HNF4A: variants seen among roughly 807,000 people sequenced by gnomAD.
HNF4A encodes hepatocyte nuclear factor 4 alpha, also known as hepatocyte nuclear factor 4-alpha.
A neutral mutation model predicts 52.4 loss-of-function variants in HNF4A; 15 were observed. That is an observed-to-expected ratio of 0.29 (90% CI 0.19 to 0.44). The LOEUF (loss-of-function observed/expected upper bound fraction) is 0.44, where lower values mean the gene tolerates loss of function less well. Among genes scored for constraint, HNF4A ranks in the 20% least tolerant of loss-of-function variants. The probability of loss-of-function intolerance (pLI) is 1.00; values close to 1 mark genes in which losing one functional copy is unlikely to be tolerated. For synonymous variants in HNF4A, 280 were observed against 264.4 expected (o/e 1.06, Z -0.57); for missense variants, 479 against 647.2 (o/e 0.74, Z 2.82).
intron 1 of HNF4A, among the ~76,000 whole-genome samples, chr20:44,405,023 CTG>C (rs1435858098): frequency 3.7e-5 from 5 of 135,358 alleles, no homozygotes; most frequent in Non-Finnish European, 3.1e-5. Context: ...TGTGTGTGGA[CTG>C]TGTGGTGCGT....
rs753072592 is a variant in HNF4A, at chr20:44,414,543, C to T, written c.529C>T (p.Arg177Trp). 5.6e-6 allele frequency: 9 copies of T among 1,614,230 alleles called. No individual in the cohort carries two copies. The highest frequency in any genetic ancestry group is 2.2e-5 in the South Asian group (2 of 91,080). ...CGTCTCCGGGATCAACGGCGACATT[C>T]GGGCGAAGAAGATTGCCAGCATCGC... is the stretch of plus-strand genomic sequence containing the variant. The change falls in exon 5 of 10, where the codon CGG (arginine) becomes TGG (tryptophan). Residue 177 changes from arginine to tryptophan, a missense_variant. Physicochemically the swap from Arg to Trp is moderately radical, Grantham distance 101. Around this residue, in one of 3 missense-constraint regions of HNF4A, gnomAD observed 389 missense variants for 525.1 expected, o/e 0.74. Transcript: ENST00000316099.
chr20:44,423,599 G>C (rs2063776854), intron 7 of HNF4A, among the ~76,000 whole-genome samples: 1 of 152,242 alleles, frequency 6.6e-6, no homozygotes, highest in African/African-American at 2.4e-5. Flanking sequence ...CTGAGGTCTG[G>C]ATGAGGGGAC....
In HNF4A at chr20:44,401,388, A is replaced by G; in HGVS notation, c.16A>G (p.Thr6Ala). Residue 6 changes from threonine (T) to alanine (A), a missense_variant, in exon 1 of 10, where the codon ACC (threonine) becomes GCC (alanine). By Grantham distance (58) the Thr-to-Ala change is moderately conservative. Around this residue, in one of 3 missense-constraint regions of HNF4A, gnomAD observed 90 missense variants for 105.5 expected, o/e 0.85. Transcript: ENST00000316099. ...GGCAGGGAGAATGCGACTCTCCAAA[A>G]CCCTCGTCGACATGGACATGGCCGA... The G allele has an allele frequency of 2.5e-6, 4 of 1,613,884 alleles. No homozygotes were observed. Among genetic ancestry groups the G allele is most frequent in the Non-Finnish European group, 3.4e-6 (4 of 1,179,984 alleles).
At chr20:44,391,892 C>T (rs901250850) in intron 1 of HNF4A, 1 of 152,316 alleles carries the variant, frequency 6.6e-6, no homozygotes, top group African/African-American at 2.4e-5. Context: ...CAAGACTTCT[C>T]AATTTACACC....
chr20:44,416,206 T>C (rs2146426105), intron 5 of HNF4A, among the ~76,000 whole-genome samples: 1 of 152,268 alleles, frequency 6.6e-6, no homozygotes, highest in East Asian at 1.9e-4. Context: ...CAGCTCCCCA[T>C]TCCTGGTATA....
At chr20:44,397,937 A>G (rs1217559692), upstream of HNF4A, among the ~76,000 whole-genome samples, 1 of 152,112 alleles carries the variant, frequency 6.6e-6, no homozygotes, top group Non-Finnish European at 1.5e-5. Context: ...TGAAACTTTC[A>G]AGGTCTCAAG....
In HNF4A at chr20:44,413,551, A is replaced by G. The variant is rs557484608; in HGVS notation, c.386-143A>G. On this transcript the variant is annotated intron_variant, in intron 3 of 9. Transcript: ENST00000316099. ...TCTTCCACCAGCTGAGTTAGAGGCC[A>G]TCTCCCCTCATTCCACATGCTGATG... The G allele has an allele frequency of 2.1e-5, 15 of 700,452 alleles. No homozygotes were observed. In the Middle Eastern group the frequency reaches 7.1e-4, roughly 33 times the overall value. The allele number at this position is 700,452 out of a possible 1,614,324, so 43.4% of individuals were successfully genotyped here.
At chr20:44,372,984 A>C (rs1029160462) in intron 1 of HNF4A, 2 of 152,202 alleles carry the variant, frequency 1.3e-5, no homozygotes, top group African/African-American at 4.8e-5. Flanking sequence ...AGGTGACTTT[A>C]TCTCTCTGAT....
chr20:44,390,390 T>C (rs1262443941), intron 1 of HNF4A: 4 of 502,950 alleles, frequency 8.0e-6, no homozygotes, highest in Non-Finnish European at 1.4e-5. Context: ...CCCATTCCTA[T>C]TGGGGTTGGC....
intron 6 of HNF4A, among the ~76,000 whole-genome samples, chr20:44,419,446 A>G (rs1273814273): frequency 6.6e-6 from 1 of 152,156 alleles, no homozygotes; most frequent in Non-Finnish European, 1.5e-5. Flanking sequence ...GTGACCTTTG[A>G]ATGTCATCGA....
intron 1 of HNF4A, among the ~76,000 whole-genome samples, chr20:44,369,368 T>A (rs932313579): frequency 6.6e-6 from 1 of 150,808 alleles, no homozygotes; most frequent in Non-Finnish European, 1.5e-5. Context: ...AGGTCGAGGC[T>A]GTAGTGAACA....
chr20:44,401,607 T>C (rs2063410683), intron 1 of HNF4A: 5 of 1,281,228 alleles, frequency 3.9e-6, no homozygotes, highest in Non-Finnish European at 5.5e-6. Context: ...GGTAGGTTGG[T>C]CCTACAGGCC....
upstream of HNF4A, among the ~76,000 whole-genome samples, chr20:44,400,509 G>C (rs3212174): frequency 6.6e-6 from 1 of 152,056 alleles, no homozygotes. Flanking sequence ...GTTAGTAGAC[G>C]GTAGGTGCCT....
At chr20:44,378,888 C>T (rs2063117448) in intron 1 of HNF4A, among the ~76,000 whole-genome samples, 1 of 147,170 alleles carries the variant, frequency 6.8e-6, no homozygotes, top group South Asian at 2.2e-4. Flanking sequence ...CACTGCACTC[C>T]AGCCTGGGCC....
intron 1 of HNF4A, among the ~76,000 whole-genome samples, chr20:44,396,092 C>G (rs2063350518): frequency 6.6e-6 from 1 of 152,160 alleles, no homozygotes; most frequent in Admixed American, 6.5e-5. Context: ...TTCCAGGAGT[C>G]ATGATGCAGG....
chr20:44,429,811 G>A lies in HNF4A; in HGVS notation c.*146G>A. 1.2e-6 allele frequency: 1 copy of A among 800,550 alleles called. No individual in the cohort carries two copies. Among genetic ancestry groups the A allele is most frequent in the Non-Finnish European group, 2.0e-6 (1 of 497,538 alleles). 49.6% of individuals were successfully genotyped at this position (800,550 alleles called of 1,614,324 possible). A position where few individuals can be genotyped will look rare whatever the true frequency, so the allele number is the denominator to read the frequency against. Reference sequence around the variant, plus strand: ...GGAAGGATGAAGGGCCCGAGAACATGGCCTAAGGGCCACATCCCACTGCCA... The same window carrying A: ...GGAAGGATGAAGGGCCCGAGAACATAGCCTAAGGGCCACATCCCACTGCCA... On this transcript the variant is annotated 3_prime_UTR_variant, in exon 10 of 10. Coordinates refer to ENST00000316099, the MANE Select transcript of HNF4A (RefSeq NM_000457.6).
chr20:44,375,837 G>GTTTCAAGAGTCCCTTGAA (rs1351893415), intron 1 of HNF4A, among the ~76,000 whole-genome samples: 1 of 152,138 alleles, frequency 6.6e-6, no homozygotes, highest in African/African-American at 2.4e-5. Flanking sequence ...GCAGTGTATA[G>GTTTCAAGAGTCCCTTGAA]GGCCCTGAAT....
chr20:44,378,674 C>G (rs1600655406), intron 1 of HNF4A, among the ~76,000 whole-genome samples: 1 of 152,208 alleles, frequency 6.6e-6, no homozygotes, highest in South Asian at 2.1e-4. Context: ...CACACTGAAA[C>G]TGTACCCATT....
At chr20:44,381,266 G>A (rs2063149776) in intron 1 of HNF4A, among the ~76,000 whole-genome samples, 1 of 149,038 alleles carries the variant, frequency 6.7e-6, no homozygotes, top group African/African-American at 2.5e-5. Flanking sequence ...GAAGCTGTAG[G>A]AATCAGTGAG....
Sources: allele counts gnomAD v4.1 joint callset (sites outside exome capture counted in the v4.1 genomes callset), GRCh38; gene constraint gnomAD v4.1.1; regional missense constraint gnomAD v4.1.1; transcripts MANE v1.5; gene names NCBI Gene and HGNC (gene_info 2026-07-23, HGNC 2026-07-21).